The following USP33 variants were observed in gnomAD, a reference collection of about 807,000 sequenced individuals.
USP33 encodes ubiquitin carboxyl-terminal hydrolase 33.
In USP33, 46 loss-of-function variants were observed where a neutral mutation model predicts 124.2. That is an observed-to-expected ratio of 0.37 (90% CI 0.29 to 0.47). The LOEUF (loss-of-function observed/expected upper bound fraction) is 0.47, where lower values mean the gene tolerates loss of function less well. Among genes scored for constraint, USP33 ranks in the 20% least tolerant of loss-of-function variants. The probability of loss-of-function intolerance (pLI) is 0.99; values close to 1 mark genes in which losing one functional copy is unlikely to be tolerated. For missense variants in USP33, 851 were observed against 1,070.6 expected, an observed-to-expected ratio of 0.79 and a Z score of 2.86; for synonymous variants, 350 against 352.3, an observed-to-expected ratio of 0.99 and a Z score of 0.07.
chr1:77,734,920 G>A (rs899988636), intron 6 of USP33, among the ~76,000 whole-genome samples: 3 of 152,010 alleles, frequency 2.0e-5, no homozygotes, highest in African/African-American at 4.8e-5. Context: ...TCAGGAGATC[G>A]AGACCATCCT....
chr1:77,738,597 C>T (rs1036478093), intron 5 of USP33, among the ~76,000 whole-genome samples: 3 of 152,010 alleles, frequency 2.0e-5, no homozygotes, highest in African/African-American at 7.2e-5. Flanking sequence ...TCTCCTGCCT[C>T]AGCCTCCAAA....
At chr1:77,710,756 A>AT (rs1383985355) in intron 21 of USP33, among the ~76,000 whole-genome samples, 2 of 152,032 alleles carry the variant, frequency 1.3e-5, no homozygotes, top group African/African-American at 4.8e-5. Flanking sequence ...AAGAATCCCA[A>AT]TTTTTTTCTT....
In USP33 at chr1:77,711,829, T is replaced by C. The variant is rs775762402; in HGVS notation, c.2324A>G (p.His775Arg). Residue 775 changes from histidine to arginine, a missense_variant, in exon 21 of 24, where the codon CAT (histidine) becomes CGT (arginine). Around this residue, in one of 4 missense-constraint regions of USP33, gnomAD observed 281 missense variants for 425.0 expected, o/e 0.66. Coordinates refer to ENST00000370794, the MANE Select transcript of USP33 (RefSeq NM_201624.3). ...TTGGCAAGTATGACAAATGTACAGA[T>C]GGTTGACAGCTGGTCCTCCACCATA... ...SRYGGGPAVN[H>R]LYICHTCQIE... 5.6e-6 allele frequency: 9 copies of C among 1,607,654 alleles called. No homozygotes were observed. The highest frequency in any genetic ancestry group is 1.1e-5 in the South Asian group (1 of 89,382).
In USP33 at chr1:77,697,433, G is replaced by A; in HGVS notation, c.2620C>T (p.Leu874=). ...GGCCCTCCACCATAAATAGACTGCA[G>A]AAAATTCCATGTTTCTTCAGAAATC... is the stretch of plus-strand genomic sequence containing the variant. ...GQISEETWNF[L]QSIYGGGPEV... Residue 874 remains leucine, a synonymous_variant, in exon 24 of 24, where the codon CTG becomes TTG. Transcript: ENST00000370794. The A allele has an allele frequency of 6.2e-7, 1 of 1,607,004 alleles. No individual in the cohort carries two copies. The highest frequency in any genetic ancestry group is 8.5e-7 in the Non-Finnish European group (1 of 1,178,426).
At chr1:77,744,145 AAAG>A (rs772252432) in intron 1 of USP33, among the ~76,000 whole-genome samples, 35 of 152,140 alleles carry the variant, frequency 2.3e-4, no homozygotes, top group Non-Finnish European at 3.7e-4. Flanking sequence ...AAAAGTTCAA[AAAG>A]AAGTCTTAGA....
In USP33 at chr1:77,730,613, C is replaced by T; in HGVS notation, c.638+5G>A. Reference sequence around the variant, plus strand: ...TAAAGAAGAAGAGTATATTAAGTTACATACCTGCTTTTATGCCACAGCTCT... The same window carrying T: ...TAAAGAAGAAGAGTATATTAAGTTATATACCTGCTTTTATGCCACAGCTCT... On this transcript the variant is annotated splice_donor_5th_base_variant and intron_variant, in intron 8 of 23. Coordinates refer to ENST00000370794, the MANE Select transcript of USP33 (RefSeq NM_201624.3). 2 of 1,536,450 alleles carry T rather than the reference C, an allele frequency of 1.3e-6. No individual in the cohort carries two copies. Among genetic ancestry groups the T allele is most frequent in the Non-Finnish European group, 1.8e-6 (2 of 1,140,634 alleles).
intron 21 of USP33, among the ~76,000 whole-genome samples, chr1:77,705,571 G>A (rs1409031182): frequency 6.6e-6 from 1 of 151,778 alleles, no homozygotes; most frequent in South Asian, 2.1e-4. Context: ...ATAGCTCACC[G>A]TAATCTCCAA....
chr1:77,697,608 A>G, intron 23 of USP33, 134 bp from the exon 24 acceptor site: 1 of 1,112,738 alleles, frequency 9.0e-7, no homozygotes, highest in South Asian at 1.7e-5. Flanking sequence ...GCAGACTACC[A>G]GCCCATATTG....
chr1:77,752,430 C>T (rs1680425677), intron 1 of USP33, among the ~76,000 whole-genome samples: 1 of 152,134 alleles, frequency 6.6e-6, no homozygotes, highest in Admixed American at 6.5e-5. Context: ...TGAGCCACTG[C>T]GCCTGGCCTT....
In USP33 at chr1:77,721,162, T is replaced by C. The variant is rs1676522319; in HGVS notation, c.1691+10A>G. The C allele has an allele frequency of 1.2e-6, 2 of 1,613,768 alleles. No individual in the cohort carries two copies. The highest frequency in any genetic ancestry group is 2.7e-5 in the African/African-American group (2 of 74,924). ...AACATGCAATTAAAAGCACTGTCAA[T>C]GTCACTTACTTTTTGCATTTTTCAC... On this transcript the variant is annotated intron_variant, in intron 15 of 23. Coordinates refer to ENST00000370794, the MANE Select transcript of USP33 (RefSeq NM_201624.3).
intron 7 of USP33, among the ~76,000 whole-genome samples, chr1:77,732,789 CTTTTTTTTTTTTT>C (rs939934675): frequency 9.5e-6 from 1 of 104,898 alleles, no homozygotes; most frequent in African/African-American, 3.8e-5. Flanking sequence ...AATGTCTCTT[CTTTTTTTTTTTTT>C]TTTTTTTTTT....
intron 12 of USP33, chr1:77,722,422 T>C (rs545520077): frequency 2.7e-4 from 114 of 426,076 alleles, no homozygotes; most frequent in African/African-American, 2.2e-3. Context: ...TTCACGTAAG[T>C]CCTGTGCAGT....
intron 20 of USP33, among the ~76,000 whole-genome samples, chr1:77,712,416 T>C (rs1399438526): frequency 6.6e-6 from 1 of 151,690 alleles, no homozygotes. Context: ...CCCAGGTACT[T>C]GGGAGGGTGA....
intron 15 of USP33, chr1:77,720,693 A>G (rs1018453873): frequency 1.1e-5 from 9 of 831,790 alleles, no homozygotes; most frequent in Middle Eastern, 6.0e-4. Context: ...AAGAAGCATT[A>G]AAAGTCTAAA....
intron 17 of USP33, among the ~76,000 whole-genome samples, 170 bp from the exon 18 acceptor site, chr1:77,716,038 G>A (rs759975001): frequency 1.3e-5 from 2 of 151,876 alleles, no homozygotes; most frequent in Non-Finnish European, 2.9e-5. Context: ...ATCACCTGAC[G>A]ACAGAACATG....
intron 1 of USP33, among the ~76,000 whole-genome samples, chr1:77,757,983 ATCTAATG>A (rs910452927): frequency 1.2e-4 from 18 of 152,094 alleles, no homozygotes; most frequent in Admixed American, 3.3e-4. Context: ...ATTTACTACA[ATCTAATG>A]TCATTAAACT....
At chr1:77,744,757 A>T (rs578208025) in intron 1 of USP33, among the ~76,000 whole-genome samples, 1 of 152,316 alleles carries the variant, frequency 6.6e-6, no homozygotes, top group African/African-American at 2.4e-5. Flanking sequence ...AGGTGAGAGG[A>T]TCACCTGAGC....
chr1:77,722,410 T>C, intron 12 of USP33: 1 of 469,890 alleles, frequency 2.1e-6, no homozygotes, highest in South Asian at 2.6e-5. Flanking sequence ...GTACCAGGTA[T>C]CTTCACGTAA....
rs151218532 is a variant in USP33 at position 77,726,240 on chromosome 1, G to A, written c.1136-478C>T. Among the ~76,000 whole-genome samples, 7 of 152,058 alleles carry A rather than the reference G, an allele frequency of 4.6e-5. No individual in the cohort carries two copies. The East Asian group carries it at 5.8e-4, about 13-fold the overall frequency. Reference sequence around the variant, plus strand: ...GTTGGGATTATAGGCATGAACCACCGTGCCCAATCCCAACTAATGTTTATA... The same window carrying A: ...GTTGGGATTATAGGCATGAACCACCATGCCCAATCCCAACTAATGTTTATA... On this transcript the variant is annotated intron_variant, in intron 10 of 23. Coordinates refer to ENST00000370794, the MANE Select transcript of USP33 (RefSeq NM_201624.3).
Sources: allele counts gnomAD v4.1 joint callset (sites outside exome capture counted in the v4.1 genomes callset), GRCh38; gene constraint gnomAD v4.1.1; regional missense constraint gnomAD v4.1.1; transcripts MANE v1.5; gene names NCBI Gene and HGNC (gene_info 2026-07-23, HGNC 2026-07-21).